Variants in PTPRS observed in about 807,000 individuals in gnomAD.
The protein encoded by PTPRS is protein tyrosine phosphatase receptor type S.
A neutral mutation model predicts 215.3 loss-of-function variants in PTPRS; 63 were observed. The ratio of observed to expected loss-of-function variants is 0.29; its 90% CI spans 0.24 to 0.36. The LOEUF is 0.36. PTPRS is among the 10% of genes least tolerant of loss of function. The pLI is 1.00. For missense variants in PTPRS, 2,258 were observed against 2,825.8 expected, an observed-to-expected ratio of 0.80 and a Z score of 4.56; for synonymous variants, 1,404 against 1,191.4, an observed-to-expected ratio of 1.18 and a Z score of -3.68.
intron 2 of PTPRS, among the ~76,000 whole-genome samples, chr19:5,274,640 T>C (rs1401725388): frequency 4.5e-5 from 2 of 44,494 alleles, no homozygotes; most frequent in Admixed American, 3.1e-4. Flanking sequence ...ACACAGTGGA[T>C]ACAACCTCAC....
chr19:5,255,605 A>G (rs973282818), intron 9 of PTPRS, among the ~76,000 whole-genome samples: 12 of 152,140 alleles, frequency 7.9e-5, no homozygotes, highest in African/African-American at 2.9e-4. Context: ...AAAAAAAAAG[A>G]AAAAGGAAAA....
Position 5,238,959 on chromosome 19 carries a change from G to A in PTPRS, c.1809C>T (p.Gly603=), listed in dbSNP as rs752121256. 30 of 1,611,946 alleles carry A rather than the reference G, an allele frequency of 1.9e-5. 1 individual carries two copies. In the South Asian group the frequency reaches 1.9e-4, roughly 10 times the overall value. The change falls in exon 13 of 38, where the codon GGC becomes GGT. Residue 603 remains glycine (G), a synonymous_variant. Transcript: ENST00000262963. ...GCTGCCGCACCACGGGGGTGAAGGC[G>A]CCCAGGCCCTGCGGCGAGCGGGCCG... is the stretch of plus-strand genomic sequence containing the variant. ...RLAARSPQGL[G]AFTPVVRQRT...
At chr19:5,265,470 T>C (rs900551553) in intron 4 of PTPRS, among the ~76,000 whole-genome samples, 2 of 152,134 alleles carry the variant, frequency 1.3e-5, no homozygotes, top group African/African-American at 4.8e-5. Flanking sequence ...GCCTCCTGAG[T>C]AGCCGGGACT....
At chr19:5,269,529 G>A (rs572368851) in intron 4 of PTPRS, among the ~76,000 whole-genome samples, 4 of 152,048 alleles carry the variant, frequency 2.6e-5, no homozygotes, top group African/African-American at 9.7e-5. Flanking sequence ...GTGGCAAGGT[G>A]GGTGGGATCG....
rs1032400631 is a variant in PTPRS, at chr19:5,328,619, G to A, written c.-95+12045C>T. On this transcript the variant is annotated intron_variant, in intron 1 of 37. Coordinates refer to ENST00000262963, the MANE Select transcript of PTPRS (RefSeq NM_002850.4). ...GTAGCTGAGAGCACACAGCATTTCC[G>A]CTGGGAACCCAGTCTCCTGGCCTCC... Among the ~76,000 whole-genome samples the A allele has an allele frequency of 5.9e-5, 9 of 152,128 alleles. No homozygotes were observed. The East Asian group carries it at 1.5e-3, about 26-fold the overall frequency.
At chr19:5,311,631 T>C (rs1259721260) in intron 1 of PTPRS, among the ~76,000 whole-genome samples, 2 of 152,120 alleles carry the variant, frequency 1.3e-5, no homozygotes, top group African/African-American at 2.4e-5. Flanking sequence ...AAAAAGAACA[T>C]TCCTGTCTCA....
chr19:5,336,601 G>A (rs926517688), intron 1 of PTPRS, among the ~76,000 whole-genome samples: 2 of 152,112 alleles, frequency 1.3e-5, no homozygotes, highest in Admixed American at 6.6e-5. Context: ...AGTTTAAAAA[G>A]CCCTTGAAAC....
In PTPRS at chr19:5,220,287, A is replaced by C. The variant is rs767946015; in HGVS notation, c.3522T>G (p.Gly1174=). The change falls in exon 21 of 38, where the codon GGT becomes GGG. Residue 1174 remains glycine (G), a synonymous_variant. Coordinates refer to ENST00000262963, the MANE Select transcript of PTPRS (RefSeq NM_002850.4). ...CTTCCAGATCCATGTCCTCTGGGCTACCCAGCGGGGTCAGGAATTGGCCTC... is the reference window on the plus strand; with the variant it reads ...CTTCCAGATCCATGTCCTCTGGGCTCCCCAGCGGGGTCAGGAATTGGCCTC... The part of the protein sequence containing the change: ...SRGGQFLTPL[G]SPEDMDLEEL... The C allele has an allele frequency of 1.3e-5, 21 of 1,613,916 alleles. No individual in the cohort carries two copies. The highest frequency in any genetic ancestry group is 1.8e-5 in the Non-Finnish European group (21 of 1,179,974).
At chr19:5,318,607 G>A (rs1415865326) in intron 1 of PTPRS, among the ~76,000 whole-genome samples, 4 of 152,178 alleles carry the variant, frequency 2.6e-5, no homozygotes, top group Non-Finnish European at 5.9e-5. Flanking sequence ...CACCACCTGA[G>A]AAGCAGCTGA....
At chr19:5,223,442 G>T in intron 17 of PTPRS, 145 bp from the exon 18 acceptor site, 1 of 1,047,458 alleles carries the variant, frequency 9.5e-7, no homozygotes, top group Non-Finnish European at 1.3e-6. Flanking sequence ...CCAGCCTGGA[G>T]TGCAATGGTG....
chr19:5,324,143 C>T (rs527545879), intron 1 of PTPRS, among the ~76,000 whole-genome samples: 6 of 146,358 alleles, frequency 4.1e-5, no homozygotes, highest in Admixed American at 1.4e-4. Flanking sequence ...GCAGGAGAAT[C>T]GCTTGAACCT....
intron 13 of PTPRS, 87 bp downstream of exon 13, chr19:5,238,832 C>G: frequency 6.9e-7 from 1 of 1,447,250 alleles, no homozygotes; most frequent in Non-Finnish European, 9.0e-7. Flanking sequence ...CTGCAGCAGG[C>G]CCCGCCTGGG....
intron 1 of PTPRS, among the ~76,000 whole-genome samples, chr19:5,330,443 C>G (rs1191207525): frequency 2.6e-5 from 4 of 152,220 alleles, no homozygotes; most frequent in African/African-American, 9.6e-5. Context: ...GGGGGACTTT[C>G]CGCCCGCTTG....
intron 15 of PTPRS, 49 bp downstream of exon 15, chr19:5,229,442 C>G (rs2042822255): frequency 3.6e-6 from 5 of 1,371,188 alleles, no homozygotes; most frequent in Non-Finnish European, 4.7e-6. Flanking sequence ...CGCAAGGGCC[C>G]GTCCCCGCCC....
At chr19:5,296,366 G>A (rs1439113152) in intron 1 of PTPRS, among the ~76,000 whole-genome samples, 1 of 152,138 alleles carries the variant, frequency 6.6e-6, no homozygotes, top group Non-Finnish European at 1.5e-5. Flanking sequence ...TGGGCCTGGT[G>A]GCGCATGACT....
In PTPRS at chr19:5,339,424, G is replaced by A. The variant is rs925942877; in HGVS notation, c.-95+1240C>T. On this transcript the variant is annotated intron_variant, in intron 1 of 37. Transcript: ENST00000262963. The surrounding 1 kb of genome is among the most constrained non-coding windows in gnomAD (Gnocchi z 4.2). Reference sequence around the variant, plus strand: ...CGAAGAAGGAGGTCCCAGATTTGGGGCGGGGGGTGTGGCTGAAAAAAAGAT... The same window carrying A: ...CGAAGAAGGAGGTCCCAGATTTGGGACGGGGGGTGTGGCTGAAAAAAAGAT... Among the ~76,000 whole-genome samples the A allele has an allele frequency of 6.6e-6, 1 of 152,016 alleles. No homozygotes were observed. The highest frequency in any genetic ancestry group is 6.6e-5 in the Admixed American group (1 of 15,260).
intron 25 of PTPRS, 128 bp downstream of exon 25, chr19:5,218,292 C>T (rs2041667333): frequency 1.3e-6 from 1 of 779,666 alleles, no homozygotes; most frequent in Non-Finnish European, 2.2e-6. Flanking sequence ...ATTTGGGAAT[C>T]CAGAATGTGG....
Position 5,257,484 on chromosome 19 carries a change from G to C in PTPRS, c.706+533C>G, listed in dbSNP as rs79380177. ...CGCCGGGCTCCGGACCAGCTGGTGGGGGGTGGGAGGGGCAGCCTCGAAGAC... is the reference window on the plus strand; with the variant it reads ...CGCCGGGCTCCGGACCAGCTGGTGGCGGGTGGGAGGGGCAGCCTCGAAGAC... On this transcript the variant is annotated intron_variant, in intron 8 of 37. Coordinates refer to ENST00000262963, the MANE Select transcript of PTPRS (RefSeq NM_002850.4). This position sits in a 1 kb window ranked among gnomAD's most constrained non-coding sequence, Gnocchi z 4.4. 1,029 of 456,872 alleles carry C rather than the reference G, an allele frequency of 2.3e-3. 1 individual carries two copies. The highest frequency in any genetic ancestry group is 3.6e-3 in the Non-Finnish European group (812 of 227,320). The allele number at this position is 456,872 out of a possible 1,614,324, so 28.3% of individuals were successfully genotyped here.
At chr19:5,315,538 A>AG (rs2049849445) in intron 1 of PTPRS, among the ~76,000 whole-genome samples, 2 of 141,532 alleles carry the variant, frequency 1.4e-5, no homozygotes, top group African/African-American at 5.6e-5. Context: ...TAATTTTTAA[A>AG]ATTTTTTTCA....
Sources: allele counts gnomAD v4.1 joint callset (sites outside exome capture counted in the v4.1 genomes callset), GRCh38; gene constraint gnomAD v4.1.1; non-coding constraint Gnocchi (gnomAD v3.1); transcripts MANE v1.5; gene names NCBI Gene and HGNC (gene_info 2026-07-23, HGNC 2026-07-21).